SYNE2: variants seen among roughly 807,000 people sequenced by gnomAD.
SYNE2 encodes the protein nesprin-2.
SYNE2 carries 431 observed loss-of-function variants against 856.3 expected under a neutral mutation model. That is an observed-to-expected ratio of 0.50 (90% CI 0.47 to 0.55). The LOEUF (loss-of-function observed/expected upper bound fraction) is 0.55. Ranked by LOEUF, SYNE2 falls within the 20% of genes least tolerant of loss-of-function variation. The pLI is 0.00. For missense variants in SYNE2, 8,129 were observed against 8,023.2 expected (o/e 1.01, Z -0.50); for synonymous variants, 2,923 against 2,872.3 (o/e 1.02, Z -0.56).
chr14:64,026,757 A>T (rs1484322519), intron 42 of SYNE2, 27 bp downstream of exon 42: 20 of 1,588,932 alleles, frequency 1.3e-5, no homozygotes, highest in Non-Finnish European at 1.7e-5. Flanking sequence ...CACCACTTGC[A>T]TCATATCCCA....
intron 96 of SYNE2, among the ~76,000 whole-genome samples, chr14:64,183,149 A>T: frequency 7.3e-6 from 1 of 137,206 alleles, no homozygotes; most frequent in South Asian, 2.4e-4. Flanking sequence ...GGGGCTCCTC[A>T]CTTCTCGGAC....
chr14:63,995,378 T>C (rs2096705296), intron 23 of SYNE2, among the ~76,000 whole-genome samples, 176 bp downstream of exon 23: 1 of 152,196 alleles, frequency 6.6e-6, no homozygotes, highest in Non-Finnish European at 1.5e-5. Context: ...CTTCTTACTT[T>C]TTAGAAGTGA....
chr14:63,961,024 A>G lies in SYNE2; in HGVS notation c.788-501A>G, dbSNP rs1032755912. The stretch of plus-strand genomic sequence containing the variant: ...GGCTTTCAGTAGATTTACTTGTTCC[A>G]TGAATGAATGAACAAACTCTGTGGA... On this transcript the variant is annotated intron_variant, in intron 8 of 115. Coordinates refer to ENST00000555002, the MANE Select transcript of SYNE2 (RefSeq NM_182914.3). The G allele has an allele frequency of 1.2e-4, 61 of 501,214 alleles. No individual in the cohort carries two copies. In the South Asian group the frequency reaches 1.6e-3, roughly 13 times the overall value. The allele number at this position is 501,214 out of a possible 1,614,324, so 31.0% of individuals were successfully genotyped here.
intron 2 of SYNE2, among the ~76,000 whole-genome samples, chr14:63,924,357 T>C (rs1240168887): frequency 6.6e-6 from 1 of 152,182 alleles, no homozygotes; most frequent in African/African-American, 2.4e-5. Flanking sequence ...TGCATTTCCA[T>C]ATGAATTTTA....
At chr14:63,930,558 GA>G (rs2095738677) in intron 2 of SYNE2, among the ~76,000 whole-genome samples, 1 of 144,330 alleles carries the variant, frequency 6.9e-6, no homozygotes, top group African/African-American at 2.6e-5. Context: ...TTTAAAGACA[GA>G]GTCCTGCTCT....
intron 31 of SYNE2, among the ~76,000 whole-genome samples, chr14:64,007,959 G>A (rs1052181619): frequency 2.0e-5 from 3 of 152,094 alleles, no homozygotes; most frequent in African/African-American, 4.8e-5. Flanking sequence ...TCAGTGAACC[G>A]AGATAGCACC....
chr14:63,867,809 GC>G (rs1161776842), intron 1 of SYNE2, among the ~76,000 whole-genome samples: 2 of 152,202 alleles, frequency 1.3e-5, no homozygotes, highest in Non-Finnish European at 2.9e-5. Context: ...TATAATCCCA[GC>G]CCTTTGGGAG....
chr14:63,929,542 G>A (rs538170675), intron 2 of SYNE2, among the ~76,000 whole-genome samples: 58 of 152,210 alleles, frequency 3.8e-4, no homozygotes, highest in African/African-American at 1.3e-3. Context: ...AGGCCAAGGC[G>A]GGTGGATCAC....
At chr14:63,899,567 T>C (rs2095308026) in intron 1 of SYNE2, among the ~76,000 whole-genome samples, 1 of 152,006 alleles carries the variant, frequency 6.6e-6, no homozygotes, top group Non-Finnish European at 1.5e-5. Context: ...CGTGGCGCAA[T>C]CATGGCTTAT....
At chr14:64,115,040 A>G (rs889423532) in intron 66 of SYNE2, among the ~76,000 whole-genome samples, 1 of 152,198 alleles carries the variant, frequency 6.6e-6, no homozygotes, top group Non-Finnish European at 1.5e-5. Context: ...GAGCAATGCT[A>G]TGCTAAACTC....
At chr14:63,910,159 T>G (rs2095455913) in intron 2 of SYNE2, among the ~76,000 whole-genome samples, 1 of 152,246 alleles carries the variant, frequency 6.6e-6, no homozygotes, top group Non-Finnish European at 1.5e-5. Context: ...ACTTTAAGAT[T>G]ATGGGCAGTA....
intron 73 of SYNE2, among the ~76,000 whole-genome samples, chr14:64,127,313 G>T (rs2097957194): frequency 6.6e-6 from 1 of 152,012 alleles, no homozygotes; most frequent in Admixed American, 6.6e-5. Flanking sequence ...AGTAGCTCAT[G>T]CCTGTAATCC....
intron 7 of SYNE2, among the ~76,000 whole-genome samples, chr14:63,951,665 T>C (rs1192697628): frequency 6.6e-6 from 1 of 152,204 alleles, no homozygotes; most frequent in African/African-American, 2.4e-5. Flanking sequence ...TAAACATACA[T>C]AACCTTATAT....
chr14:64,096,028 C>T (rs972634872), intron 61 of SYNE2, among the ~76,000 whole-genome samples: 4 of 152,156 alleles, frequency 2.6e-5, no homozygotes, highest in Non-Finnish European at 5.9e-5. Flanking sequence ...AAGATGTAGT[C>T]TTCAATGCGC....
chr14:63,841,217 A>G (rs1890057326), intron 1 of SYNE2, among the ~76,000 whole-genome samples: 1 of 152,122 alleles, frequency 6.6e-6, no homozygotes, highest in Non-Finnish European at 1.5e-5. Context: ...TCTCTGGTGC[A>G]CCACAGATGT....
At chr14:64,199,585 G>T (rs1199863952) in intron 99 of SYNE2, among the ~76,000 whole-genome samples, 1 of 151,950 alleles carries the variant, frequency 6.6e-6, no homozygotes, top group Non-Finnish European at 1.5e-5. Context: ...GAGCATGGTG[G>T]CAGGTGCCTG....
At chr14:63,785,403 A>C (rs1332791712) in intron 1 of SYNE2, among the ~76,000 whole-genome samples, 1 of 152,154 alleles carries the variant, frequency 6.6e-6, no homozygotes, top group Non-Finnish European at 1.5e-5. Context: ...GGCTGCAGTG[A>C]GCCATAATTG....
chr14:64,146,102 C>G lies in SYNE2; in HGVS notation c.15518C>G (p.Thr5173Ser). ...QHLEQLLESI[T>S]ESENKIQILN... ...TTAGAACAACTTCTAGAAAGTATCACTGAGAGTGAAAATAAAATACAGATC... is the reference window on the plus strand; with the variant it reads ...TTAGAACAACTTCTAGAAAGTATCAGTGAGAGTGAAAATAAAATACAGATC... The change falls in exon 84 of 116, where the codon ACT becomes AGT. Residue 5173 changes from threonine to serine, a missense_variant. Physicochemically the swap from Thr to Ser is moderately conservative, Grantham distance 58 (BLOSUM62 1). Transcript: ENST00000555002. 1 of 1,595,978 alleles carries G rather than the reference C, an allele frequency of 6.3e-7. No individual in the cohort carries two copies. Among genetic ancestry groups the G allele is most frequent in the Non-Finnish European group, 8.6e-7 (1 of 1,168,030 alleles).
intron 2 of SYNE2, among the ~76,000 whole-genome samples, chr14:63,930,043 G>A (rs1016832518): frequency 1.3e-5 from 2 of 152,096 alleles, no homozygotes; most frequent in African/African-American, 4.8e-5. Flanking sequence ...CTAGTGCTTT[G>A]AGAGGCTAAG....
Sources: allele counts gnomAD v4.1 joint callset (sites outside exome capture counted in the v4.1 genomes callset), GRCh38; gene constraint gnomAD v4.1.1; transcripts MANE v1.5; gene names NCBI Gene and HGNC (gene_info 2026-07-23, HGNC 2026-07-21).